C8orf90: variants seen among roughly 807,000 people sequenced by gnomAD.
C8orf90 encodes chromosome 8 open reading frame 90.
chr8:141,517,978 C>A, the C8orf90 span, among the ~76,000 whole-genome samples: 1 of 152,224 alleles, frequency 6.6e-6, no homozygotes, highest in South Asian at 2.1e-4. Context: ...CTTCCGTACA[C>A]CCAGGACCTC....
At chr8:141,518,145 T>G in the C8orf90 span, 2 of 529,434 alleles carry the variant, frequency 3.8e-6, no homozygotes, top group South Asian at 4.7e-5. Flanking sequence ...GGCCTCCTGG[T>G]CTCCCGCCTG....
chr8:141,514,996 T>C, the C8orf90 span, among the ~76,000 whole-genome samples: 2 of 152,048 alleles, frequency 1.3e-5, no homozygotes, highest in African/African-American at 4.8e-5. Flanking sequence ...TCTGATGCTC[T>C]GAAGTCCCCA....
At chr8:141,518,526 G>A in the C8orf90 span, 1 of 539,598 alleles carries the variant, frequency 1.9e-6, no homozygotes, top group Non-Finnish European at 3.2e-6. Context: ...CCCAGGCAGC[G>A]ATGCGCAAGC....
chr8:141,515,976 C>G, the C8orf90 span, among the ~76,000 whole-genome samples: 1 of 152,210 alleles, frequency 6.6e-6, no homozygotes, highest in Non-Finnish European at 1.5e-5. Flanking sequence ...CTTGCACCCT[C>G]CTTCCCTGAG....
chr8:141,518,388 G>A, the C8orf90 span: 1 of 674,208 alleles, frequency 1.5e-6, no homozygotes, highest in East Asian at 3.0e-5. Flanking sequence ...CGTTCGCCTG[G>A]CCGCCGGGGT....
At chr8:141,517,334 G>GAGGAA in the C8orf90 span, among the ~76,000 whole-genome samples, 1 of 152,240 alleles carries the variant, frequency 6.6e-6, no homozygotes, top group African/African-American at 2.4e-5. Context: ...CCTGGACTGT[G>GAGGAA]TGCCCAAGTG....
chr8:141,515,295 C>CACCCACCCACCCACCT, the C8orf90 span, among the ~76,000 whole-genome samples: 2 of 94,254 alleles, frequency 2.1e-5, 1 homozygote, highest in African/African-American at 8.6e-5. Context: ...TCCATCCATC[C>CACCCACCCACCCACCT]ATCCATCCAT....
At chr8:141,516,181 C>A in the C8orf90 span, among the ~76,000 whole-genome samples, 2 of 152,128 alleles carry the variant, frequency 1.3e-5, no homozygotes, top group African/African-American at 4.8e-5. Flanking sequence ...TCTCCTGCAT[C>A]ATGATACCGC....
the C8orf90 span, among the ~76,000 whole-genome samples, chr8:141,514,973 C>T: frequency 2.7e-4 from 41 of 152,114 alleles, no homozygotes; most frequent in African/African-American, 7.2e-4. Context: ...CTCCTCCCTA[C>T]GCTCCCCAAT....
chr8:141,517,397 G>A, the C8orf90 span, among the ~76,000 whole-genome samples: 1 of 152,260 alleles, frequency 6.6e-6, no homozygotes, highest in South Asian at 2.1e-4. Flanking sequence ...AAGCACATTT[G>A]CTGAATGAAA....
chr8:141,518,723 C>T, the C8orf90 span: 2 of 462,238 alleles, frequency 4.3e-6, no homozygotes, highest in Non-Finnish European at 7.7e-6. Context: ...TAAAGAGTTT[C>T]CCCAGCTCTC....
At chr8:141,517,617 G>A in the C8orf90 span, among the ~76,000 whole-genome samples, 93 of 152,302 alleles carry the variant, frequency 6.1e-4, no homozygotes, top group African/African-American at 2.2e-3. Context: ...CTGTGTCCAG[G>A]CTGCGAGCCA....
At chr8:141,515,959 T>C in the C8orf90 span, among the ~76,000 whole-genome samples, 11 of 152,330 alleles carry the variant, frequency 7.2e-5, no homozygotes, top group Admixed American at 2.6e-4. Flanking sequence ...CACACTGTGC[T>C]GCTGGCCTTG....
chr8:141,515,856 G>A, the C8orf90 span, among the ~76,000 whole-genome samples: 7 of 152,314 alleles, frequency 4.6e-5, no homozygotes, highest in South Asian at 2.1e-4. Context: ...CAAGGAGGCC[G>A]GCTCCGCTGC....
At chr8:141,518,209 C>T in the C8orf90 span, 2 of 576,950 alleles carry the variant, frequency 3.5e-6, no homozygotes, top group Admixed American at 3.2e-5. Context: ...GTCCCCTCCG[C>T]CCGCAGGTCC....
At chr8:141,514,704 C>A in the C8orf90 span, 1 of 701,638 alleles carries the variant, frequency 1.4e-6, no homozygotes, top group Non-Finnish European at 2.6e-6. Context: ...GGCATGGCCT[C>A]CTCTTGTCCT....
the C8orf90 span, among the ~76,000 whole-genome samples, chr8:141,516,784 G>A: frequency 6.6e-6 from 1 of 152,140 alleles, no homozygotes; most frequent in East Asian, 1.9e-4. Context: ...CTTATCCCCA[G>A]CATGGCGCTG....
the C8orf90 span, among the ~76,000 whole-genome samples, chr8:141,516,781 C>G: frequency 6.6e-6 from 1 of 152,162 alleles, no homozygotes; most frequent in Non-Finnish European, 1.5e-5. Context: ...ACTCTTATCC[C>G]CAGCATGGCG....
chr8:141,517,637 C>T, the C8orf90 span, among the ~76,000 whole-genome samples: 1 of 152,214 alleles, frequency 6.6e-6, no homozygotes, highest in Non-Finnish European at 1.5e-5. Context: ...AGGCTGTTCC[C>T]ACAGGCTCCT....
Sources: gnomAD v4.1 joint callset for allele counts (sites outside exome capture counted in the v4.1 genomes callset) on GRCh38, gnomAD v4.1.1 for gene constraint, MANE v1.5 for transcripts, NCBI Gene and HGNC (gene_info 2026-07-23, HGNC 2026-07-21) for gene names.